The following TENM2 variants were observed in gnomAD, a reference collection of about 807,000 sequenced individuals.
The protein encoded by TENM2 is teneurin-2.
TENM2 carries 52 observed loss-of-function variants against 245.2 expected under a neutral mutation model. That is an observed-to-expected ratio of 0.21 (90% CI 0.17 to 0.27). The LOEUF (loss-of-function observed/expected upper bound fraction) is 0.27, where lower values mean the gene tolerates loss of function less well. TENM2 is among the 10% of genes least tolerant of loss of function. TENM2 has a pLI of 1.00. For synonymous variants in TENM2, 1,363 were observed against 1,438.9 expected, an observed-to-expected ratio of 0.95 and a Z score of 1.19; for missense variants, 3,046 against 3,666.8, an observed-to-expected ratio of 0.83 and a Z score of 4.37.
chr5:167,113,952 T>C, the TENM2 span, among the ~76,000 whole-genome samples: 1 of 152,108 alleles, frequency 6.6e-6, no homozygotes, highest in African/African-American at 2.4e-5. Flanking sequence ...TAAAAATCAG[T>C]ATATGCAAAG....
chr5:168,204,835 A>C (rs898102629), intron 19 of TENM2, among the ~76,000 whole-genome samples: 11 of 152,364 alleles, frequency 7.2e-5, no homozygotes, highest in African/African-American at 2.6e-4. Flanking sequence ...TCAACAACTG[A>C]CTTACAGACA....
In TENM2 at chr5:168,244,355, C is replaced by A; in HGVS notation, c.5521-65C>A. 7.4e-7 allele frequency: 1 copy of A among 1,346,500 alleles called. No individual in the cohort carries two copies. The highest frequency in any genetic ancestry group is 2.6e-5 in the East Asian group (1 of 37,848). 83.4% of individuals were successfully genotyped at this position (1,346,500 alleles called of 1,614,324 possible). On this transcript the variant is annotated intron_variant, in intron 25 of 28. Coordinates refer to ENST00000518659, the Ensembl canonical transcript of TENM2. This position sits in a 1 kb window ranked among gnomAD's most constrained non-coding sequence, Gnocchi z 4.9. ...CCCTGGCCATGCCAGCCATGTCCTC[C>A]ACAGAAGCCTGAGCCGGCATGCCTG...
At chr5:167,581,921 GAA>G (rs546931095) in intron 2 of TENM2, among the ~76,000 whole-genome samples, 1 of 140,634 alleles carries the variant, frequency 7.1e-6, no homozygotes, top group African/African-American at 2.6e-5. Context: ...CATTGAGAGA[GAA>G]AAAAAAAAAA....
intron 2 of TENM2, among the ~76,000 whole-genome samples, chr5:167,433,116 A>AT (rs141516514): frequency 0.2 from 30,936 of 151,574 alleles, 3,406 homozygotes; most frequent in African/African-American, 0.28. Flanking sequence ...ATAAATATTG[A>AT]ATTTTTTTTT....
chr5:167,356,169 C>T (rs1759304275), intron 1 of TENM2, among the ~76,000 whole-genome samples: 1 of 114,298 alleles, frequency 8.7e-6, no homozygotes, highest in Admixed American at 1.3e-4. Flanking sequence ...GCCTGGGTGG[C>T]TGAGCGAGAC....
the TENM2 span, among the ~76,000 whole-genome samples, chr5:167,080,392 A>C: frequency 6.6e-6 from 1 of 152,322 alleles, no homozygotes; most frequent in African/African-American, 2.4e-5. Context: ...ACCTGTTATT[A>C]TACATTTAAC....
At chr5:167,559,246 C>A (rs1244416858) in intron 2 of TENM2, among the ~76,000 whole-genome samples, 1 of 152,132 alleles carries the variant, frequency 6.6e-6, no homozygotes, top group African/African-American at 2.4e-5. Context: ...TCTCTACATC[C>A]CAGCAAATCA....
intron 6 of TENM2, among the ~76,000 whole-genome samples, chr5:168,055,610 T>A (rs1314524831): frequency 6.6e-6 from 1 of 152,214 alleles, no homozygotes; most frequent in Non-Finnish European, 1.5e-5. Flanking sequence ...ACTCCACCCA[T>A]TGGCCCTCTT....
chr5:167,563,294 C>G (rs961441082), intron 2 of TENM2, among the ~76,000 whole-genome samples: 1 of 152,184 alleles, frequency 6.6e-6, no homozygotes, highest in African/African-American at 2.4e-5. Flanking sequence ...CTTTTCTTCC[C>G]TTGGGTTCCT....
rs145049415 is a variant in TENM2, at chr5:167,434,697, G to T, written c.502+59224G>T. On this transcript the variant is annotated intron_variant, in intron 2 of 28. Transcript: ENST00000518659. The stretch of plus-strand genomic sequence containing the variant: ...GAATTTTATGTGGATTTAGTATAAT[G>T]AAAACTTTAGAAGTATATGACAGGA... Among the ~76,000 whole-genome samples the T allele has an allele frequency of 4.7e-3, 713 of 152,086 alleles. 3 individuals carry two copies. The highest frequency in any genetic ancestry group is 0.016 in the African/African-American group (651 of 41,514).
At chr5:167,863,269 A>G (rs1771992793) in intron 2 of TENM2, among the ~76,000 whole-genome samples, 1 of 152,198 alleles carries the variant, frequency 6.6e-6, no homozygotes. Context: ...AGTCTCTTCC[A>G]TGGCAATATG....
chr5:168,213,394 C>A (rs1762935552), intron 20 of TENM2, among the ~76,000 whole-genome samples: 1 of 152,020 alleles, frequency 6.6e-6, no homozygotes, highest in Non-Finnish European at 1.5e-5. Flanking sequence ...CAGAGAAGAC[C>A]CCAAATGGTG....
At chr5:167,024,350 G>C in the TENM2 span, among the ~76,000 whole-genome samples, 1 of 152,158 alleles carries the variant, frequency 6.6e-6, no homozygotes, top group Non-Finnish European at 1.5e-5. Flanking sequence ...CTTGTTTGCT[G>C]GTCACTGTTC....
intron 4 of TENM2, among the ~76,000 whole-genome samples, chr5:167,985,326 C>T (rs995822892): frequency 8.5e-5 from 13 of 152,158 alleles, no homozygotes; most frequent in African/African-American, 3.1e-4. Context: ...TTTTCATCCG[C>T]TCCTCTGAAT....
chr5:167,350,912 TGGG>T (rs1561884001), intron 1 of TENM2, among the ~76,000 whole-genome samples: 2 of 85,806 alleles, frequency 2.3e-5, no homozygotes, highest in Non-Finnish European at 5.1e-5. Flanking sequence ...GATATATATA[TGGG>T]ATATATACAT....
the TENM2 span, among the ~76,000 whole-genome samples, chr5:167,276,900 TA>T: frequency 6.6e-6 from 1 of 152,126 alleles, no homozygotes; most frequent in Non-Finnish European, 1.5e-5. Flanking sequence ...AACCCATGGA[TA>T]TGGTGGGCCA....
chr5:167,538,276 T>C (rs549168749), intron 2 of TENM2, among the ~76,000 whole-genome samples: 57 of 152,224 alleles, frequency 3.7e-4, no homozygotes, highest in Admixed American at 7.9e-4. Context: ...ATACTTATCC[T>C]CTATTTTTGA....
intron 1 of TENM2, among the ~76,000 whole-genome samples, chr5:167,357,302 T>TC: frequency 6.7e-6 from 1 of 149,642 alleles, no homozygotes; most frequent in Admixed American, 6.6e-5. Context: ...CATCCTTTCT[T>TC]TTTTTTTTTT....
chr5:167,500,250 AG>A (rs1436676133), intron 2 of TENM2, among the ~76,000 whole-genome samples: 2 of 152,080 alleles, frequency 1.3e-5, no homozygotes, highest in Admixed American at 1.3e-4. Flanking sequence ...TGTCTGTAGC[AG>A]GTCCATCTTG....
Sources: allele counts gnomAD v4.1 joint callset (sites outside exome capture counted in the v4.1 genomes callset), GRCh38; gene constraint gnomAD v4.1.1; non-coding constraint Gnocchi (gnomAD v3.1); transcripts MANE v1.5; gene names NCBI Gene and HGNC (gene_info 2026-07-23, HGNC 2026-07-21).